Variants in ALMS1 observed in about 807,000 individuals in gnomAD.
ALMS1 encodes centrosome-associated protein ALMS1.
In ALMS1, 271 loss-of-function variants were observed where a neutral mutation model predicts 352.2. That is an observed-to-expected ratio of 0.77 (90% confidence interval 0.70 to 0.85). The LOEUF is 0.85. Ranked by LOEUF, ALMS1 falls within the 40% of genes least tolerant of loss-of-function variation. The pLI is 0.00. For missense variants in ALMS1, 5,445 were observed against 4,870.7 expected, an observed-to-expected ratio of 1.12 and a Z score of -3.51; for synonymous variants, 1,865 against 1,761.2, an observed-to-expected ratio of 1.06 and a Z score of -1.48.
chr2:73,403,669 A>G (rs1670915590), intron 1 of ALMS1, among the ~76,000 whole-genome samples: 1 of 152,136 alleles, frequency 6.6e-6, no homozygotes, highest in South Asian at 2.1e-4. Flanking sequence ...AACATGGAAT[A>G]TCTTTCTATT....
Position 73,573,053 on chromosome 2 carries a change from G to A in ALMS1, c.11176G>A (p.Gly3726Ser). The change falls in exon 16 of 23, where the codon GGT becomes AGT. Residue 3726 changes from glycine to serine, a missense_variant. Gly to Ser is a moderately conservative substitution (Grantham distance 56). Coordinates refer to ENST00000613296, the MANE Select transcript of ALMS1 (RefSeq NM_001378454.1). ...FDKYILSKQPGFNYISNTSSD... is the reference protein window; with the variant it reads ...FDKYILSKQPSFNYISNTSSD... ...TAAATATATTCTGAGTAAACAGCCA[G>A]GTTTTAATTATATAAGCAACACTTC... 2 of 1,614,056 alleles carry A rather than the reference G, an allele frequency of 1.2e-6. No homozygotes were observed. Among genetic ancestry groups the A allele is most frequent in the Admixed American group, 3.3e-5 (2 of 60,000 alleles).
chr2:73,537,291 G>A (rs1376890865), intron 12 of ALMS1, among the ~76,000 whole-genome samples: 4 of 152,206 alleles, frequency 2.6e-5, no homozygotes, highest in African/African-American at 7.2e-5. Context: ...TTTGAAAGGC[G>A]CTGACATATT....
chr2:73,436,609 A>C (rs553164333), intron 7 of ALMS1, among the ~76,000 whole-genome samples: 1 of 152,094 alleles, frequency 6.6e-6, no homozygotes, highest in African/African-American at 2.4e-5. Flanking sequence ...CATAGTCTCT[A>C]TTCATTTATC....
intron 17 of ALMS1, among the ~76,000 whole-genome samples, chr2:73,599,789 TTCAC>T (rs776306583): frequency 2.2e-4 from 34 of 152,232 alleles, no homozygotes; most frequent in South Asian, 4.1e-4. Flanking sequence ...CAAAATTACT[TTCAC>T]TCAGCATTTT....
intron 16 of ALMS1, among the ~76,000 whole-genome samples, chr2:73,583,713 T>C (rs534498262): frequency 5.9e-5 from 9 of 152,336 alleles, no homozygotes; most frequent in African/African-American, 2.2e-4. Context: ...GGATATCCAG[T>C]TATCCAAGCA....
chr2:73,488,086 C>G (rs1672893210), intron 9 of ALMS1, among the ~76,000 whole-genome samples: 1 of 152,242 alleles, frequency 6.6e-6, no homozygotes, highest in African/African-American at 2.4e-5. Context: ...CAACCCATCC[C>G]TGGCTTAAAG....
In ALMS1 at chr2:73,450,020, C is replaced by T. The variant is rs767103091; in HGVS notation, c.3493C>T (p.Pro1165Ser). The stretch of plus-strand genomic sequence containing the variant: ...GCAGGCCTTGCCAGGTACTCATATA[C>T]CTGAAGAGGCTCAGAAAGTTTCAGC... ...HQQALPGTHI[P>S]EEAQKVSAVT... The change falls in exon 8 of 23, where the codon CCT (proline) becomes TCT (serine). Residue 1165 changes from proline to serine, a missense_variant. By Grantham distance (74) the Pro-to-Ser change is moderately conservative (BLOSUM62 -1). Coordinates refer to ENST00000613296, the MANE Select transcript of ALMS1 (RefSeq NM_001378454.1). The T allele has an allele frequency of 3.3e-5, 54 of 1,613,302 alleles. 1 individual carries two copies. The Admixed American group carries it at 8.7e-4, about 26-fold the overall frequency.
Position 73,397,380 on chromosome 2 carries a change from T to C in ALMS1, c.324+11188T>C, listed in dbSNP as rs148972134. Among the ~76,000 whole-genome samples the C allele has an allele frequency of 2.7e-3, 405 of 151,458 alleles. 3 individuals carry two copies. The highest frequency in any genetic ancestry group is 9.4e-3 in the African/African-American group (382 of 40,814). On this transcript the variant is annotated intron_variant, in intron 1 of 22. Transcript: ENST00000613296. ...AGAAGAGTTTTGATTTTTTAGTTTGTTCAGCTTTTTTTTTTTATGATGGGG... is the reference window on the plus strand; with the variant it reads ...AGAAGAGTTTTGATTTTTTAGTTTGCTCAGCTTTTTTTTTTTATGATGGGG...
At position 73,408,655 on chromosome 2, in the gene ALMS1, A is replaced by G; in HGVS notation, c.358A>G (p.Ile120Val). The change falls in exon 2 of 23, where the codon ATA becomes GTA. Residue 120 changes from isoleucine (I) to valine (V), a missense_variant. Transcript: ENST00000613296. ...ATTGACCTGTCATGTATGGCAACAG[A>G]TAGTATATCAAGGCAATAGTAGAAC... ...VPLTCHVWQQ[I>V]VYQGNSRTQI... 1 of 1,613,522 alleles carries G rather than the reference A, an allele frequency of 6.2e-7. No homozygotes were observed. The highest frequency in any genetic ancestry group is 8.5e-7 in the Non-Finnish European group (1 of 1,179,678).
Position 73,490,412 on chromosome 2 carries a change from C to T in ALMS1, c.8453C>T (p.Thr2818Ile), listed in dbSNP as rs373211307. 105 of 1,614,150 alleles carry T rather than the reference C, an allele frequency of 6.5e-5. No homozygotes were observed. The African/African-American group carries it at 1.3e-3, about 20-fold the overall frequency. The change falls in exon 10 of 23, where the codon ACA becomes ATA. Residue 2818 changes from threonine to isoleucine, a missense_variant. Physicochemically the swap from Thr to Ile is moderately conservative, Grantham distance 89. Coordinates refer to ENST00000613296, the MANE Select transcript of ALMS1 (RefSeq NM_001378454.1). ...AAACCCTTAGAAAGATCAGATTTTA[C>T]AGGCAGTCATTCTGAGCCCAGTACC... is the stretch of plus-strand genomic sequence containing the variant. ...EEKPLERSDFTGSHSEPSTRA... is the reference protein window; with the variant it reads ...EEKPLERSDFIGSHSEPSTRA...
At chr2:73,608,005 C>T (rs571129971) in intron 21 of ALMS1, among the ~76,000 whole-genome samples, 2 of 152,096 alleles carry the variant, frequency 1.3e-5, no homozygotes, top group African/African-American at 4.8e-5. Flanking sequence ...AATTTCCTCT[C>T]TGGAGCCTTT....
In ALMS1 at chr2:73,609,775, T is replaced by G; in HGVS notation, c.*163T>G. ...TCTGGAACAAAGTGGTGATTAAAAT[T>G]CCTAATGGTTTGGGAGCAATACTTT... is the stretch of plus-strand genomic sequence containing the variant. On this transcript the variant is annotated 3_prime_UTR_variant, in exon 23 of 23. Transcript: ENST00000613296. The G allele has an allele frequency of 1.4e-6, 1 of 720,468 alleles. No individual in the cohort carries two copies. Among genetic ancestry groups the G allele is most frequent in the Non-Finnish European group, 2.4e-6 (1 of 420,510 alleles). The allele number at this position is 720,468 out of a possible 1,614,324, so 44.6% of individuals were successfully genotyped here. A position where few individuals can be genotyped will look rare whatever the true frequency, so the allele number is the denominator to read the frequency against.
chr2:73,602,118 G>A, intron 19 of ALMS1, 67 bp from the exon 20 acceptor site: 1 of 1,478,216 alleles, frequency 6.8e-7, no homozygotes, highest in Non-Finnish European at 9.3e-7. Context: ...TGTGTCTCCA[G>A]GCATATGGAG....
intron 10 of ALMS1, among the ~76,000 whole-genome samples, chr2:73,497,107 A>G (rs960809250): frequency 2.6e-5 from 4 of 152,118 alleles, no homozygotes; most frequent in African/African-American, 9.7e-5. Flanking sequence ...TGGGTTGGCA[A>G]TACTTTCCTT....
intron 16 of ALMS1, among the ~76,000 whole-genome samples, chr2:73,588,907 G>A (rs531961230): frequency 6.6e-6 from 1 of 152,172 alleles, no homozygotes; most frequent in African/African-American, 2.4e-5. Flanking sequence ...CTCAAAAGCA[G>A]CATCCTGAAA....
chr2:73,454,760 C>G lies in ALMS1; in HGVS notation c.7541-402C>G, dbSNP rs115623351. Among the ~76,000 whole-genome samples, 984 of 152,216 alleles carry G rather than the reference C, an allele frequency of 6.5e-3. 5 individuals are homozygous for G. Among genetic ancestry groups the G allele is most frequent in the Non-Finnish European group, 9.5e-3 (646 of 68,012 alleles). On this transcript the variant is annotated intron_variant, in intron 8 of 22. Transcript: ENST00000613296. ...ATCGTCCCTTGAGGTTAACTTCCTACGCTGTTCCCTGCACATTTTTATTCT... is the reference window on the plus strand; with the variant it reads ...ATCGTCCCTTGAGGTTAACTTCCTAGGCTGTTCCCTGCACATTTTTATTCT...
intron 9 of ALMS1, among the ~76,000 whole-genome samples, chr2:73,464,235 A>T (rs1672274522): frequency 6.6e-6 from 1 of 152,212 alleles, no homozygotes. Flanking sequence ...CACATCAAAA[A>T]GCTTATCCAC....
intron 16 of ALMS1, among the ~76,000 whole-genome samples, chr2:73,575,816 T>A (rs950099515): frequency 4.6e-5 from 7 of 151,686 alleles, no homozygotes; most frequent in South Asian, 4.1e-4. Context: ...TTCTGACATA[T>A]AGAAGTTTTA....
At chr2:73,524,536 A>G (rs1229471863) in intron 11 of ALMS1, among the ~76,000 whole-genome samples, 1 of 151,892 alleles carries the variant, frequency 6.6e-6, no homozygotes, top group Non-Finnish European at 1.5e-5. Context: ...GCTCACTGCA[A>G]CCTCTGCCTC....
Sources: allele counts gnomAD v4.1 joint callset (sites outside exome capture counted in the v4.1 genomes callset), GRCh38; gene constraint gnomAD v4.1.1; transcripts MANE v1.5; gene names NCBI Gene and HGNC (gene_info 2026-07-23, HGNC 2026-07-21).